PTS: variants seen among roughly 807,000 people sequenced by gnomAD.
PTS encodes 6-pyruvoyltetrahydropterin synthase.
Under a neutral mutation model 20.6 loss-of-function variants are expected in PTS, and 23 were observed. The ratio of observed to expected loss-of-function variants is 1.12; its 90% CI spans 0.80 to 1.58. The LOEUF is 1.58. PTS is among the 40% of genes most tolerant of loss of function. The pLI is 0.00. For missense variants in PTS, 186 were observed against 182.4 expected, an observed-to-expected ratio of 1.02 and a Z score of -0.11; for synonymous variants, 65 against 62.5, an observed-to-expected ratio of 1.04 and a Z score of -0.19.
At chr11:112,227,530 G>A (rs1859881421) in intron 1 of PTS, among the ~76,000 whole-genome samples, 1 of 152,138 alleles carries the variant, frequency 6.6e-6, no homozygotes, top group South Asian at 2.1e-4. Context: ...TGGTTCTGCA[G>A]GCTGTACAAG....
At chr11:112,233,265 T>C (rs951726519) in intron 5 of PTS, 32 bp downstream of exon 5, 7 of 1,594,264 alleles carry the variant, frequency 4.4e-6, no homozygotes, top group Non-Finnish European at 4.3e-6. Flanking sequence ...CTTATGTGGA[T>C]TGTAAAACAA....
At chr11:112,226,772 T>A (rs966521599) in intron 1 of PTS, among the ~76,000 whole-genome samples, 3 of 151,850 alleles carry the variant, frequency 2.0e-5, no homozygotes, top group African/African-American at 7.3e-5. Context: ...CGGAGGGCGA[T>A]GGCCCACGTC....
At position 112,230,213 on chromosome 11, in the gene PTS, G is replaced by GT; in HGVS notation, c.170dup (p.Thr58AspfsTer7). The GT allele has an allele frequency of 6.2e-7, 1 of 1,613,604 alleles. No individual in the cohort carries two copies. Among genetic ancestry groups the GT allele is most frequent in the Non-Finnish European group, 8.5e-7 (1 of 1,179,568 alleles). On this transcript the variant is annotated frameshift_variant, in exon 3 of 6. Coordinates refer to ENST00000280362, the MANE Select transcript of PTS (RefSeq NM_000317.3). LOFTEE classifies it high-confidence loss of function. ...ATTTTGTTTTCTTTCCATAGTTGTG[G>GT]TGACAGTACATGGAGAGGTATGTGC... is the stretch of plus-strand genomic sequence containing the variant.
chr11:112,233,235 T>C lies in PTS; in HGVS notation c.314+2T>C, dbSNP rs2135410340. On this transcript the variant is annotated splice_donor_variant, in intron 5 of 5. Transcript: ENST00000280362. LOFTEE classifies it high-confidence loss of function. The stretch of plus-strand genomic sequence containing the variant: ...GCCATACTTTGCAGATGTGGTGAGG[T>C]GGGTGGCACTGTATCTTGCCTTATG... 1 of 1,612,328 alleles carries C rather than the reference T, an allele frequency of 6.2e-7. No individual in the cohort carries two copies. The highest frequency in any genetic ancestry group is 8.5e-7 in the Non-Finnish European group (1 of 1,178,448).
chr11:112,232,895 C>T (rs578089689), intron 4 of PTS, among the ~76,000 whole-genome samples: 11 of 152,286 alleles, frequency 7.2e-5, no homozygotes, highest in East Asian at 3.9e-4. Flanking sequence ...GCTTGTGTTG[C>T]GAGAAAGCTC....
intron 2 of PTS, chr11:112,229,016 A>G (rs1859899301): frequency 3.9e-6 from 1 of 254,774 alleles, no homozygotes; most frequent in Non-Finnish European, 7.5e-6. Flanking sequence ...TGACTGACAA[A>G]AGGGGAATGT....
intron 1 of PTS, among the ~76,000 whole-genome samples, chr11:112,227,633 G>A (rs1859882479): frequency 6.6e-6 from 1 of 152,088 alleles, no homozygotes; most frequent in Admixed American, 6.5e-5. Context: ...AACTCACAGG[G>A]CAAGTGAGGG....
chr11:112,230,285 C>T lies in PTS; in HGVS notation c.186+55C>T. 2.4e-5 allele frequency: 37 copies of T among 1,568,484 alleles called. No individual in the cohort carries two copies. The South Asian group carries it at 3.6e-4, about 15-fold the overall frequency. Reference sequence around the variant, plus strand: ...TGCAGATTGCTGGGCTCTCTTTCAGCCAGTGTGGTGGATTCTGTGTTGAAA... The same window carrying T: ...TGCAGATTGCTGGGCTCTCTTTCAGTCAGTGTGGTGGATTCTGTGTTGAAA... On this transcript the variant is annotated intron_variant, in intron 3 of 5. Transcript: ENST00000280362.
Position 112,230,680 on chromosome 11 carries a change from G to A in PTS, c.241G>A (p.Glu81Lys). ...TCTGGCTGATCTCAAAAAATATATG[G>A]AGGTAATGGCATGTTGGGTGCTTAT... Reference protein sequence around the residue: ...MNLADLKKYMEEAIMQPLDHK... With the variant: ...MNLADLKKYMKEAIMQPLDHK... The change falls in exon 4 of 6, where the codon GAG (glutamate) becomes AAG (lysine). Residue 81 changes from glutamate to lysine, a missense_variant and splice_region_variant. By Grantham distance (56) the Glu-to-Lys change is moderately conservative. Coordinates refer to ENST00000280362, the MANE Select transcript of PTS (RefSeq NM_000317.3). The A allele has an allele frequency of 1.2e-6, 2 of 1,608,716 alleles. No homozygotes were observed. The highest frequency in any genetic ancestry group is 1.7e-6 in the Non-Finnish European group (2 of 1,175,102).
intron 1 of PTS, 41 bp from the exon 2 acceptor site, chr11:112,228,553 A>G: frequency 2.0e-6 from 3 of 1,517,800 alleles, no homozygotes; most frequent in Non-Finnish European, 2.7e-6. Flanking sequence ...TTTGAATGTG[A>G]TACTTGTGTC....
Position 112,230,661 on chromosome 11 carries a change from T to C in PTS, c.222T>C (p.Ala74=), listed in dbSNP as rs201388369. 6.2e-7 allele frequency: 1 copy of C among 1,611,318 alleles called. No individual in the cohort carries two copies. Among genetic ancestry groups the C allele is most frequent in the Non-Finnish European group, 8.5e-7 (1 of 1,177,460 alleles). ...CTACGGGAATGGTTATGAATCTGGCTGATCTCAAAAAATATATGGAGGTAA... is the reference window on the plus strand; with the variant it reads ...CTACGGGAATGGTTATGAATCTGGCCGATCTCAAAAAATATATGGAGGTAA... ...DPATGMVMNL[A]DLKKYMEEAI... is the part of the protein sequence containing the mutation. Residue 74 remains alanine (A), a synonymous_variant, in exon 4 of 6, where the codon GCT becomes GCC. Transcript: ENST00000280362.
rs553943860 is a variant in PTS, at chr11:112,226,877, A to C, written c.83+351A>C. ...AGACCACAGGGTTGCTGTGAAACTC[A>C]GCAGTGTTAAACTCGCCTATGTTAC... is the stretch of plus-strand genomic sequence containing the variant. On this transcript the variant is annotated intron_variant, in intron 1 of 5. Transcript: ENST00000280362. 6.6e-5 allele frequency among the ~76,000 whole-genome samples: 10 copies of C among 151,538 alleles called. No individual in the cohort carries two copies. In the East Asian group the frequency reaches 9.7e-4, roughly 15 times the overall value.
At chr11:112,231,977 G>GAAAGA (rs1555198366) in intron 4 of PTS, among the ~76,000 whole-genome samples, 8 of 143,754 alleles carry the variant, frequency 5.6e-5, no homozygotes, top group Non-Finnish European at 1.0e-4. Context: ...GAAAAGAAAA[G>GAAAGA]AAAGAAAAGA....
rs750361483 is a variant in PTS at position 112,233,415 on chromosome 11, G to GT, written c.315-8dup. On this transcript the variant is annotated splice_polypyrimidine_tract_variant and intron_variant, in intron 5 of 5. Coordinates refer to ENST00000280362, the MANE Select transcript of PTS (RefSeq NM_000317.3). Reference sequence around the variant, plus strand: ...TGCATTTTGAATTTTTTTTGTTTTTGTTTTTTTTTCTTATAGCACGACTGA... The same window carrying GT: ...TGCATTTTGAATTTTTTTTGTTTTTGTTTTTTTTTTCTTATAGCACGACTGA... 907 of 1,542,696 alleles carry GT rather than the reference G, an allele frequency of 5.9e-4. No homozygotes were observed. The highest frequency in any genetic ancestry group is 8.5e-4 in the Admixed American group (45 of 53,018).
intron 4 of PTS, among the ~76,000 whole-genome samples, chr11:112,230,927 T>C (rs1859921971): frequency 6.6e-6 from 1 of 152,242 alleles, no homozygotes; most frequent in Admixed American, 6.5e-5. Context: ...GCTCACCTTG[T>C]ATTCCTTGTT....
chr11:112,228,556 C>A, intron 1 of PTS, 38 bp from the exon 2 acceptor site: 1 of 1,526,696 alleles, frequency 6.6e-7, no homozygotes, highest in Non-Finnish European at 9.0e-7. Flanking sequence ...GAATGTGATA[C>A]TTGTGTCATG....
At chr11:112,232,279 G>A (rs1321991782) in intron 4 of PTS, among the ~76,000 whole-genome samples, 1 of 152,188 alleles carries the variant, frequency 6.6e-6, no homozygotes, top group African/African-American at 2.4e-5. Flanking sequence ...CCCTGCATAA[G>A]AGGCTTTAAT....
rs73556116 is a variant in PTS at position 112,227,201 on chromosome 11, C to G, written c.83+675C>G. 1.1e-3 allele frequency among the ~76,000 whole-genome samples: 170 copies of G among 152,248 alleles called. 3 individuals carry two copies. Among genetic ancestry groups the G allele is most frequent in the African/African-American group, 4.1e-3 (170 of 41,534 alleles). ...ACCACGCACTAACCAGCTCCACCCT[C>G]TGGCCCTCCGTATCGTCGTCTGTGA... On this transcript the variant is annotated intron_variant, in intron 1 of 5. Transcript: ENST00000280362.
chr11:112,229,673 T>C (rs1030254736), intron 2 of PTS, among the ~76,000 whole-genome samples: 3 of 152,236 alleles, frequency 2.0e-5, no homozygotes, highest in African/African-American at 7.2e-5. Flanking sequence ...ATTACAGGCT[T>C]GAGCCACCAC....
Sources: allele counts gnomAD v4.1 joint callset (sites outside exome capture counted in the v4.1 genomes callset), GRCh38; gene constraint gnomAD v4.1.1; transcripts MANE v1.5; gene names NCBI Gene and HGNC (gene_info 2026-07-23, HGNC 2026-07-21).